Variants in NHSL1 observed in about 807,000 individuals in gnomAD.
NHSL1 encodes the protein NHS-like protein 1.
Under a neutral mutation model 95.0 loss-of-function variants are expected in NHSL1, and 48 were observed. The observed-to-expected ratio is 0.51, with a 90% confidence interval of 0.40 to 0.64. The LOEUF is 0.64. Among genes scored for constraint, NHSL1 ranks in the 30% least tolerant of loss-of-function variants. The probability of loss-of-function intolerance (pLI) is 0.00; values close to 1 mark genes in which losing one functional copy is unlikely to be tolerated. For synonymous variants in NHSL1, 783 were observed against 833.9 expected (o/e 0.94, Z 1.05); for missense variants, 1,971 against 2,077.7 (o/e 0.95, Z 1.00).
At chr6:138,660,585 G>A (rs1442232512) in intron 1 of NHSL1, among the ~76,000 whole-genome samples, 2 of 151,072 alleles carry the variant, frequency 1.3e-5, no homozygotes, top group Non-Finnish European at 2.9e-5. Flanking sequence ...AGCTTGCAGT[G>A]AGCCGAGATC....
intron 3 of NHSL1, among the ~76,000 whole-genome samples, chr6:138,464,755 C>G (rs1260690255): frequency 1.5e-5 from 2 of 136,676 alleles, no homozygotes; most frequent in African/African-American, 5.7e-5. Flanking sequence ...CTCTGTCACC[C>G]AGGCTGGAGT....
chr6:138,684,893 T>G (rs1758165641), intron 1 of NHSL1, among the ~76,000 whole-genome samples: 1 of 152,186 alleles, frequency 6.6e-6, no homozygotes, highest in Admixed American at 6.5e-5. Context: ...GAAACCAATT[T>G]GAGGAGAAAC....
At chr6:138,446,509 A>G (rs190919316) in intron 4 of NHSL1, among the ~76,000 whole-genome samples, 160 of 152,318 alleles carry the variant, frequency 1.1e-3, no homozygotes, top group African/African-American at 3.7e-3. Context: ...AATATAACAT[A>G]TTCTGAAAAT....
At chr6:138,607,055 G>A (rs568754220) in intron 1 of NHSL1, among the ~76,000 whole-genome samples, 2 of 152,214 alleles carry the variant, frequency 1.3e-5, no homozygotes, top group South Asian at 4.1e-4. Flanking sequence ...AAGAGGAGGT[G>A]CCCCCAGGTG....
upstream of NHSL1, among the ~76,000 whole-genome samples, chr6:138,574,688 G>A (rs73560970): frequency 0.17 from 18,664 of 107,100 alleles, 2,585 homozygotes; most frequent in African/African-American, 0.51. Flanking sequence ...AAAAAAAAAA[G>A]AAAAGAAAAA....
In NHSL1 at chr6:138,536,721, C is replaced by T. The variant is rs183041252; in HGVS notation, c.16+8902G>A. On this transcript the variant is annotated intron_variant, in intron 1 of 4. Coordinates refer to the NHSL1 transcript ENST00000342260. ...TGGTGGGTTGCTGCACCTATCTACC[C>T]GTCATCTAGGTTTTAAGCCCTGCAT... Among the ~76,000 whole-genome samples, 6 of 149,220 alleles carry T rather than the reference C, an allele frequency of 4.0e-5. No homozygotes were observed. The East Asian group carries it at 6.0e-4, about 15-fold the overall frequency.
At chr6:138,534,169 C>G (rs1782245127) in intron 1 of NHSL1, among the ~76,000 whole-genome samples, 1 of 152,102 alleles carries the variant, frequency 6.6e-6, no homozygotes, top group Admixed American at 6.5e-5. Flanking sequence ...TCAAACAAGT[C>G]CATTTGTTTT....
In NHSL1 at chr6:138,670,665, C is replaced by CAAAAAAAAAAAA. The variant is rs370888768; in HGVS notation, c.96+21799_96+21810dup. The stretch of plus-strand genomic sequence containing the variant: ...TGGGCGACAAAGCGAGACTCCGTCT[C>CAAAAAAAAAAAA]AAAAAAAAAAAAAAAAAAAAACTTT... On this transcript the variant is annotated intron_variant, in intron 1 of 3. Transcript: ENST00000491526. Among the ~76,000 whole-genome samples the CAAAAAAAAAAAA allele has an allele frequency of 8.4e-4, 58 of 69,344 alleles. No homozygotes were observed. The East Asian group carries it at 0.015, about 18-fold the overall frequency. The allele number at this position is 69,344 out of a possible 152,430, so 45.5% of individuals were successfully genotyped here. A position where few individuals can be genotyped will look rare whatever the true frequency, so the allele number is the denominator to read the frequency against.
intron 1 of NHSL1, among the ~76,000 whole-genome samples, chr6:138,498,530 A>G (rs1415771069): frequency 6.6e-6 from 1 of 152,220 alleles, no homozygotes; most frequent in Non-Finnish European, 1.5e-5. Flanking sequence ...ACTGGTCCAA[A>G]CACTAAACTA....
intron 1 of NHSL1, among the ~76,000 whole-genome samples, chr6:138,634,828 A>AG: frequency 6.6e-6 from 1 of 152,132 alleles, no homozygotes. Flanking sequence ...TCAAAAAAAA[A>AG]AAAAGTAATA....
At chr6:138,646,711 TTGAG>T (rs1785025234) in intron 1 of NHSL1, among the ~76,000 whole-genome samples, 1 of 152,140 alleles carries the variant, frequency 6.6e-6, no homozygotes, top group African/African-American at 2.4e-5. Context: ...CAAGAAAAAA[TTGAG>T]TGTGTACTTA....
chr6:138,488,240 T>C (rs989189368), intron 2 of NHSL1, among the ~76,000 whole-genome samples: 3 of 151,694 alleles, frequency 2.0e-5, no homozygotes, highest in East Asian at 1.9e-4. Flanking sequence ...ATCACACCAC[T>C]GCACTCCAGC....
At chr6:138,665,630 T>G (rs191317315) in intron 1 of NHSL1, among the ~76,000 whole-genome samples, 2 of 152,336 alleles carry the variant, frequency 1.3e-5, no homozygotes, top group East Asian at 3.9e-4. Flanking sequence ...TATGGTAAAT[T>G]ATATTCCAAA....
chr6:138,495,924 C>G (rs1427741524), intron 2 of NHSL1, among the ~76,000 whole-genome samples: 1 of 152,116 alleles, frequency 6.6e-6, no homozygotes, highest in Non-Finnish European at 1.5e-5. Flanking sequence ...TCATGAGACT[C>G]ATTCACTATC....
chr6:138,441,924 A>T, intron 5 of NHSL1, 59 bp downstream of exon 5: 4 of 1,460,836 alleles, frequency 2.7e-6, no homozygotes, highest in Non-Finnish European at 3.7e-6. Flanking sequence ...GAATGAGGTT[A>T]GCGCAGTAAG....
Position 138,446,862 on chromosome 6 carries a change from C to T in NHSL1, c.532+139G>A, listed in dbSNP as rs557409887. The T allele has an allele frequency of 9.4e-6, 7 of 747,294 alleles. No homozygotes were observed. The South Asian group carries it at 1.3e-4, about 14-fold the overall frequency. The allele number at this position is 747,294 out of a possible 1,614,324, so 46.3% of individuals were successfully genotyped here. On this transcript the variant is annotated intron_variant, in intron 4 of 7. Coordinates refer to ENST00000343505, the MANE Select transcript of NHSL1 (RefSeq NM_001144060.2). ...ACACACATATGTAGTTTTAATATTC[C>T]TCTCATTAAACAAAGAGCATGAAGT...
At chr6:138,486,323 T>C (rs1779726550) in intron 2 of NHSL1, among the ~76,000 whole-genome samples, 1 of 152,206 alleles carries the variant, frequency 6.6e-6, no homozygotes, top group South Asian at 2.1e-4. Flanking sequence ...ATTACTTTTA[T>C]TGTTTTTCTG....
chr6:138,429,925 C>T (rs1775519374), intron 6 of NHSL1, 82 bp from the exon 7 acceptor site: 1 of 1,358,464 alleles, frequency 7.4e-7, no homozygotes, highest in South Asian at 1.4e-5. Context: ...TATGCTGCTT[C>T]CCTGCCATTC....
intron 3 of NHSL1, among the ~76,000 whole-genome samples, chr6:138,460,753 T>A (rs1273264036): frequency 6.6e-6 from 1 of 151,762 alleles, no homozygotes. Context: ...AAAAAATGTG[T>A]TAGAGATTTC....
Sources: allele counts gnomAD v4.1 joint callset (sites outside exome capture counted in the v4.1 genomes callset), GRCh38; gene constraint gnomAD v4.1.1; transcripts MANE v1.5; gene names NCBI Gene and HGNC (gene_info 2026-07-23, HGNC 2026-07-21).